Variants in DTNA observed in about 807,000 individuals in gnomAD.
DTNA encodes dystrophin-related protein 3.
Under a neutral mutation model 100.7 loss-of-function variants are expected in DTNA, and 43 were observed. The ratio of observed to expected loss-of-function variants is 0.43; its 90% confidence interval spans 0.33 to 0.55. The LOEUF is 0.55. DTNA is among the 20% of genes least tolerant of loss of function. The pLI, the probability that DTNA is intolerant of heterozygous loss-of-function variation, is 0.04. For synonymous variants in DTNA, 349 were observed against 347.9 expected, an observed-to-expected ratio of 1.00 and a Z score of -0.04; for missense variants, 798 against 953.9, an observed-to-expected ratio of 0.84 and a Z score of 2.15.
intron 1 of DTNA, among the ~76,000 whole-genome samples, chr18:34,715,949 G>A (rs2083963627): frequency 1.3e-5 from 2 of 152,118 alleles, no homozygotes; most frequent in Non-Finnish European, 2.9e-5. Context: ...AAAGGGGAAA[G>A]CAAAAGGAGG....
At chr18:34,665,040 C>G (rs1454183917) in intron 1 of DTNA, among the ~76,000 whole-genome samples, 3 of 150,816 alleles carry the variant, frequency 2.0e-5, no homozygotes, top group Non-Finnish European at 4.4e-5. Context: ...AATGCTAAGT[C>G]AAGCTCTCAG....
intron 15 of DTNA, among the ~76,000 whole-genome samples, chr18:34,857,730 A>G: frequency 6.6e-6 from 1 of 152,082 alleles, no homozygotes. Flanking sequence ...AAAGAGAAAG[A>G]ATTTTGTCTA....
At chr18:34,708,826 A>C (rs894810157), upstream of DTNA, among the ~76,000 whole-genome samples, 2 of 152,210 alleles carry the variant, frequency 1.3e-5, no homozygotes, top group African/African-American at 4.8e-5. Context: ...GTATGCTTCA[A>C]GCTTGGTGCT....
chr18:34,785,411 T>G (rs1469355052), intron 3 of DTNA, among the ~76,000 whole-genome samples: 5 of 152,208 alleles, frequency 3.3e-5, no homozygotes, highest in East Asian at 1.9e-4. Context: ...TGGAAAATTT[T>G]TATAATTCTA....
rs764108498 is a variant in DTNA, at chr18:34,884,742, T to A, written c.2310T>A (p.Gly770=). The A allele has an allele frequency of 6.2e-7, 1 of 1,614,116 alleles. No homozygotes were observed. The highest frequency in any genetic ancestry group is 1.1e-5 in the South Asian group (1 of 91,080). Residue 770 remains glycine (G), a synonymous_variant, in exon 22 of 23, where the codon GGT becomes GGA. Coordinates refer to ENST00000444659, the MANE Select transcript of DTNA (RefSeq NM_001386795.1). ...QDEAYQVSLQ[G] is the part of the protein sequence containing the mutation. ...GTCACCCACAGGTCAGCTTGCAAGG[T>A]TGAATGCAATATCCTTTTATCACAC...
intron 1 of DTNA, among the ~76,000 whole-genome samples, chr18:34,631,862 A>G (rs2058117820): frequency 6.6e-6 from 1 of 152,182 alleles, no homozygotes; most frequent in Non-Finnish European, 1.5e-5. Flanking sequence ...TATGATCTGC[A>G]ATTATGTCAA....
At position 34,794,120 on chromosome 18, in the gene DTNA, G is replaced by A. The variant is rs1175132407; in HGVS notation, c.232G>A (p.Val78Met). Residue 78 changes from valine (V) to methionine (M), a missense_variant, in exon 4 of 23, where the codon GTG becomes ATG. Coordinates refer to ENST00000444659, the MANE Select transcript of DTNA (RefSeq NM_001386795.1). ...NNLDPNTELN[V>M]SRLEAVLSTI... The stretch of plus-strand genomic sequence containing the variant: ...CCTGGACCCAAACACTGAACTCAAC[G>A]TGTCCCGCTTAGAGGCTGTGCTCTC... The A allele has an allele frequency of 6.8e-6, 11 of 1,614,136 alleles. No homozygotes were observed. The highest frequency in any genetic ancestry group is 3.3e-5 in the South Asian group (3 of 91,080).
At chr18:34,869,310 A>C (rs2096740328) in intron 17 of DTNA, among the ~76,000 whole-genome samples, 1 of 152,084 alleles carries the variant, frequency 6.6e-6, no homozygotes. Flanking sequence ...ACACACACTC[A>C]CATACACACA....
At chr18:34,567,958 C>T (rs973907157) in intron 1 of DTNA, among the ~76,000 whole-genome samples, 15 of 151,872 alleles carry the variant, frequency 9.9e-5, no homozygotes, top group African/African-American at 3.4e-4. Flanking sequence ...TGTTATTTTC[C>T]TGCATGTTGC....
chr18:34,626,464 A>G (rs183003899), intron 1 of DTNA, among the ~76,000 whole-genome samples: 76 of 151,726 alleles, frequency 5.0e-4, no homozygotes, highest in African/African-American at 1.3e-3. Flanking sequence ...AAAAAAAATG[A>G]AATTTCCTTC....
At chr18:34,556,480 T>TGA (rs1219838156) in intron 1 of DTNA, among the ~76,000 whole-genome samples, 2 of 151,874 alleles carry the variant, frequency 1.3e-5, no homozygotes. Flanking sequence ...GGTCTTTACA[T>TGA]TTTGGCATGA....
rs757320859 is a variant in DTNA, at chr18:34,879,707, T to C, written c.2150T>C (p.Met717Thr). 3 of 1,614,072 alleles carry C rather than the reference T, an allele frequency of 1.9e-6. No homozygotes were observed. The highest frequency in any genetic ancestry group is 2.2e-5 in the South Asian group (2 of 91,076). Residue 717 changes from methionine (M) to threonine (T), a missense_variant, in exon 20 of 23, where the codon ATG (methionine) becomes ACG (threonine). Physicochemically the swap from Met to Thr is moderately conservative, Grantham distance 81. Transcript: ENST00000444659. ...YIHSGATTST[M>T]RGDMVTEDAD... ...CACAGTGGAGCTACCACAAGTACCA[T>C]GCGTGGCGACATGTGAGTATCTTCC... is the stretch of plus-strand genomic sequence containing the variant.
intron 9 of DTNA, among the ~76,000 whole-genome samples, chr18:34,826,442 G>A (rs1319618503): frequency 6.6e-6 from 1 of 152,010 alleles, no homozygotes; most frequent in Non-Finnish European, 1.5e-5. Flanking sequence ...AGCCTGCAGA[G>A]CTTCAGGTCC....
In DTNA at chr18:34,865,432, T is replaced by C. The variant is rs577346195; in HGVS notation, c.1743+1370T>C. On this transcript the variant is annotated intron_variant, in intron 17 of 22. Transcript: ENST00000444659. Reference sequence around the variant, plus strand: ...TCTTGTAAACTTTCTTTTGTTTTCCTTACTCTATTTTATTCCTTTTCCCTC... The same window carrying C: ...TCTTGTAAACTTTCTTTTGTTTTCCCTACTCTATTTTATTCCTTTTCCCTC... 1.6e-3 allele frequency among the ~76,000 whole-genome samples: 242 copies of C among 152,330 alleles called. 2 individuals carry two copies. The highest frequency in any genetic ancestry group is 5.7e-3 in the African/African-American group (235 of 41,574).
At chr18:34,804,230 G>A (rs150496620) in intron 4 of DTNA, among the ~76,000 whole-genome samples, 6 of 152,320 alleles carry the variant, frequency 3.9e-5, no homozygotes, top group African/African-American at 1.4e-4. Flanking sequence ...GCGTTGAACA[G>A]TTTGACCATG....
At chr18:34,515,192 T>A (rs944951949) in intron 1 of DTNA, among the ~76,000 whole-genome samples, 2 of 152,124 alleles carry the variant, frequency 1.3e-5, no homozygotes, top group African/African-American at 4.8e-5. Flanking sequence ...TTCACTTCTC[T>A]TAGTAAGCTC....
chr18:34,668,103 G>T (rs1246900865), intron 1 of DTNA, among the ~76,000 whole-genome samples: 2 of 152,092 alleles, frequency 1.3e-5, no homozygotes, highest in East Asian at 1.9e-4. Context: ...CAATTTCAGA[G>T]CCTGTTACTG....
chr18:34,755,807 C>T (rs1207312997), intron 1 of DTNA, among the ~76,000 whole-genome samples, 169 bp from the exon 2 acceptor site: 3 of 152,118 alleles, frequency 2.0e-5, no homozygotes, highest in Admixed American at 1.3e-4. Context: ...GAAAAATATG[C>T]GCAGCAATTT....
intron 17 of DTNA, among the ~76,000 whole-genome samples, chr18:34,870,419 G>A (rs1377019478): frequency 6.6e-6 from 1 of 152,058 alleles, no homozygotes; most frequent in Non-Finnish European, 1.5e-5. Flanking sequence ...GGTATTCTAT[G>A]CAGGCATGAA....
Sources: gnomAD v4.1 joint callset for allele counts (sites outside exome capture counted in the v4.1 genomes callset) on GRCh38, gnomAD v4.1.1 for gene constraint, MANE v1.5 for transcripts, NCBI Gene and HGNC (gene_info 2026-07-23, HGNC 2026-07-21) for gene names.